The following TENM3 variants were observed in gnomAD, a reference collection of about 807,000 sequenced individuals.
TENM3 encodes the protein teneurin-3.
Under a neutral mutation model 255.1 loss-of-function variants are expected in TENM3, and 63 were observed. The ratio of observed to expected loss-of-function variants is 0.25; its 90% CI spans 0.20 to 0.30. TENM3 has a LOEUF of 0.30. Among genes scored for constraint, TENM3 ranks in the 10% least tolerant of loss-of-function variants. The probability of loss-of-function intolerance (pLI) is 1.00; values close to 1 mark genes in which losing one functional copy is unlikely to be tolerated. For synonymous variants in TENM3, 1,306 were observed against 1,322.3 expected (o/e 0.99, Z 0.27); for missense variants, 2,929 against 3,461.1 (o/e 0.85, Z 3.86).
chr4:181,699,896 A>G, the TENM3 span, among the ~76,000 whole-genome samples: 36 of 152,334 alleles, frequency 2.4e-4, no homozygotes, highest in African/African-American at 8.4e-4. Flanking sequence ...TCAGAAGAGG[A>G]CGTTTTTTCT....
At chr4:182,369,080 G>C (rs1766616444) in intron 3 of TENM3, among the ~76,000 whole-genome samples, 1 of 152,152 alleles carries the variant, frequency 6.6e-6, no homozygotes, top group South Asian at 2.1e-4. Flanking sequence ...ACAGCCATTT[G>C]TAACAGTGAC....
chr4:182,575,760 G>A (rs937716295), intron 3 of TENM3, among the ~76,000 whole-genome samples: 2 of 152,014 alleles, frequency 1.3e-5, no homozygotes, highest in African/African-American at 4.8e-5. Flanking sequence ...TTAAAGTTAC[G>A]TGTCTTAGAA....
intron 3 of TENM3, among the ~76,000 whole-genome samples, chr4:182,587,049 T>A (rs1376936436): frequency 2.6e-5 from 4 of 152,104 alleles, no homozygotes; most frequent in African/African-American, 4.8e-5. Flanking sequence ...TAAAATGTAT[T>A]ATAATTGTCT....
chr4:181,765,457 C>T, the TENM3 span, among the ~76,000 whole-genome samples: 7 of 152,102 alleles, frequency 4.6e-5, no homozygotes, highest in Middle Eastern at 3.2e-3. Context: ...TGCAACAACC[C>T]GCTATGAATC....
chr4:182,637,245 AT>A (rs1751922449), intron 5 of TENM3, among the ~76,000 whole-genome samples: 2 of 152,244 alleles, frequency 1.3e-5, no homozygotes, highest in Non-Finnish European at 2.9e-5. Flanking sequence ...AAAGATACAA[AT>A]ATCAAAGGTT....
At chr4:181,631,593 G>T in the TENM3 span, among the ~76,000 whole-genome samples, 1 of 152,030 alleles carries the variant, frequency 6.6e-6, no homozygotes, top group African/African-American at 2.4e-5. Flanking sequence ...CCCAGCCCTG[G>T]CCCAGTTCTT....
the TENM3 span, among the ~76,000 whole-genome samples, chr4:181,496,126 G>A: frequency 2.0e-5 from 3 of 152,086 alleles, no homozygotes; most frequent in Non-Finnish European, 4.4e-5. Flanking sequence ...ATCACTTAGA[G>A]CTGTCACAGA....
chr4:181,686,838 A>C, the TENM3 span, among the ~76,000 whole-genome samples: 1 of 152,202 alleles, frequency 6.6e-6, no homozygotes, highest in Non-Finnish European at 1.5e-5. Flanking sequence ...TCATCGATGA[A>C]CTATAGCTTG....
At chr4:182,032,835 CAT>C in the TENM3 span, among the ~76,000 whole-genome samples, 2 of 152,088 alleles carry the variant, frequency 1.3e-5, no homozygotes, top group African/African-American at 2.4e-5. Context: ...AGTTTATTTG[CAT>C]AGAGATGTTT....
chr4:181,548,434 G>A, the TENM3 span, among the ~76,000 whole-genome samples: 2 of 152,134 alleles, frequency 1.3e-5, no homozygotes, highest in Admixed American at 6.5e-5. Context: ...GTGATAGACT[G>A]GATTAAGAAA....
the TENM3 span, among the ~76,000 whole-genome samples, chr4:182,112,566 A>G: frequency 6.6e-6 from 1 of 152,328 alleles, no homozygotes; most frequent in East Asian, 1.9e-4. Flanking sequence ...ATCGTAGTGT[A>G]ATTTTCTATG....
the TENM3 span, among the ~76,000 whole-genome samples, chr4:181,524,673 G>A: frequency 3.3e-5 from 5 of 152,142 alleles, no homozygotes; most frequent in Admixed American, 3.3e-4. Flanking sequence ...GGTTAGTGTG[G>A]TACATGAGAA....
chr4:182,746,827 A>G (rs1762043291), intron 19 of TENM3, among the ~76,000 whole-genome samples: 1 of 152,200 alleles, frequency 6.6e-6, no homozygotes, highest in Admixed American at 6.5e-5. Context: ...AGGAAGATGT[A>G]GAGAATGTGT....
chr4:181,967,942 C>T, the TENM3 span, among the ~76,000 whole-genome samples: 2 of 152,152 alleles, frequency 1.3e-5, no homozygotes, highest in African/African-American at 4.8e-5. Flanking sequence ...TGTTGTGAGG[C>T]TCAAACTCAT....
At position 182,754,947 on chromosome 4, in the gene TENM3, A is replaced by C; in HGVS notation, c.4580A>C (p.Asn1527Thr). 1 of 1,614,064 alleles carries C rather than the reference A, an allele frequency of 6.2e-7. No homozygotes were observed. The highest frequency in any genetic ancestry group is 8.5e-7 in the Non-Finnish European group (1 of 1,179,890). ...CAAGAACTCTACATCTTTGACATCA[A>C]TGGTACTCACCAATATACTGTAAGT... The part of the protein sequence containing the change: ...TDQELYIFDI[N>T]GTHQYTVSLV... The change falls in exon 22 of 28, where the codon AAT (asparagine) becomes ACT (threonine). Residue 1527 changes from asparagine to threonine, a missense_variant. By Grantham distance (65) the Asn-to-Thr change is moderately conservative. Around this residue, in one of 6 missense-constraint regions of TENM3, gnomAD observed 1,608 missense variants for 1,884.4 expected, o/e 0.85. Coordinates refer to ENST00000511685, the MANE Select transcript of TENM3 (RefSeq NM_001080477.4). The surrounding 1 kb of genome is among the most constrained non-coding windows in gnomAD (Gnocchi z 5.1).
rs574105970 is a variant in TENM3 at position 182,738,246 on chromosome 4, A to C, written c.3236-155A>C. Reference sequence around the variant, plus strand: ...TTTTTTTAAAAAAAAATCTTTGGTGAAATCTTCTTAAATTAAAAAATAAAC... The same window carrying C: ...TTTTTTTAAAAAAAAATCTTTGGTGCAATCTTCTTAAATTAAAAAATAAAC... On this transcript the variant is annotated intron_variant, in intron 17 of 27. Coordinates refer to ENST00000511685, the MANE Select transcript of TENM3 (RefSeq NM_001080477.4). Among the ~76,000 whole-genome samples, 9 of 152,330 alleles carry C rather than the reference A, an allele frequency of 5.9e-5. 2 individuals carry two copies. The highest frequency in any genetic ancestry group is 2.2e-4 in the African/African-American group (9 of 41,578).
At chr4:181,550,182 A>G in the TENM3 span, among the ~76,000 whole-genome samples, 1 of 152,342 alleles carries the variant, frequency 6.6e-6, no homozygotes, top group South Asian at 2.1e-4. Context: ...GGACTACAGT[A>G]ATGTTCATGA....
At chr4:181,850,804 T>A in the TENM3 span, among the ~76,000 whole-genome samples, 1 of 152,184 alleles carries the variant, frequency 6.6e-6, no homozygotes, top group Non-Finnish European at 1.5e-5. Flanking sequence ...TTTGTTCCAC[T>A]GAGTGTTTTT....
the TENM3 span, among the ~76,000 whole-genome samples, chr4:182,010,136 C>G: frequency 6.6e-6 from 1 of 152,186 alleles, no homozygotes; most frequent in South Asian, 2.1e-4. Flanking sequence ...TGCTTCTAGT[C>G]GGCCATCTTG....
Sources: gnomAD v4.1 joint callset for allele counts (sites outside exome capture counted in the v4.1 genomes callset) on GRCh38, gnomAD v4.1.1 for gene constraint, gnomAD v4.1.1 regional missense constraint, Gnocchi (gnomAD v3.1) non-coding constraint, MANE v1.5 for transcripts, NCBI Gene and HGNC (gene_info 2026-07-23, HGNC 2026-07-21) for gene names.